The following SOX30 variants were observed in gnomAD, a reference collection of about 807,000 sequenced individuals.
The protein encoded by SOX30 is transcription factor SOX-30.
SOX30 carries 17 observed loss-of-function variants against 58.6 expected under a neutral mutation model. The observed-to-expected ratio is 0.29, with a 90% CI of 0.20 to 0.44. The LOEUF (loss-of-function observed/expected upper bound fraction) is 0.44, where lower values mean the gene tolerates loss of function less well. SOX30 is among the 20% of genes least tolerant of loss of function. The probability of loss-of-function intolerance (pLI) is 1.00; values close to 1 mark genes in which losing one functional copy is unlikely to be tolerated. For missense variants in SOX30, 951 were observed against 965.8 expected (o/e 0.98, Z 0.20); for synonymous variants, 421 against 400.2 (o/e 1.05, Z -0.62).
At chr5:157,663,234 C>T (rs187801011) in intron 2 of SOX30, among the ~76,000 whole-genome samples, 7 of 152,238 alleles carry the variant, frequency 4.6e-5, no homozygotes, top group African/African-American at 9.6e-5. Context: ...TCCAGCAGCA[C>T]GTCAAAAAGC....
At chr5:157,637,281 T>C (rs932252290) in intron 4 of SOX30, among the ~76,000 whole-genome samples, 2 of 152,208 alleles carry the variant, frequency 1.3e-5, no homozygotes, top group African/African-American at 2.4e-5. Context: ...AATTCCTTTA[T>C]TGGTAATTTA....
Position 157,638,836 on chromosome 5 carries a change from C to T in SOX30, c.1388-114G>A, listed in dbSNP as rs566563374. ...CAGAGGCCTTCATCAATCACCTTAC[C>T]TAACTGCATCATCATATCAAACCAC... is the stretch of plus-strand genomic sequence containing the variant. On this transcript the variant is annotated intron_variant, in intron 3 of 4. Transcript: ENST00000265007. 1.0e-5 allele frequency: 10 copies of T among 963,082 alleles called. No homozygotes were observed. In the South Asian group the frequency reaches 1.7e-4, roughly 16 times the overall value. 59.7% of individuals were successfully genotyped at this position (963,082 alleles called of 1,614,324 possible). A position where few individuals can be genotyped will look rare whatever the true frequency, so the allele number is the denominator to read the frequency against.
chr5:157,649,327 A>G (rs1324561812), intron 1 of SOX30, among the ~76,000 whole-genome samples: 1 of 152,204 alleles, frequency 6.6e-6, no homozygotes, highest in Non-Finnish European at 1.5e-5. Context: ...TTCTCTAAAC[A>G]TTCACAGGAA....
chr5:157,655,340 G>A (rs566487419), upstream of SOX30, among the ~76,000 whole-genome samples: 4 of 152,282 alleles, frequency 2.6e-5, no homozygotes, highest in East Asian at 7.7e-4. Context: ...TAAGTGGTGG[G>A]GTACCCAGAT....
intron 1 of SOX30, among the ~76,000 whole-genome samples, chr5:157,668,437 T>A (rs1759708987): frequency 6.6e-6 from 1 of 152,058 alleles, no homozygotes; most frequent in African/African-American, 2.4e-5. Context: ...CTGCTGAAGT[T>A]GCTGCTAAGA....
At chr5:157,652,933 G>A (rs1364007300), upstream of SOX30, among the ~76,000 whole-genome samples, 1 of 152,058 alleles carries the variant, frequency 6.6e-6, no homozygotes, top group Non-Finnish European at 1.5e-5. Flanking sequence ...ACTTTCCATG[G>A]CTCCCCACTG....
chr5:157,637,477 G>A (rs1215218470), intron 4 of SOX30, among the ~76,000 whole-genome samples: 7 of 152,070 alleles, frequency 4.6e-5, no homozygotes, highest in Non-Finnish European at 1.0e-4. Context: ...TGCTAGAAAT[G>A]CCAAATATCA....
chr5:157,646,084 G>A (rs994694895), intron 3 of SOX30, among the ~76,000 whole-genome samples: 3 of 151,608 alleles, frequency 2.0e-5, no homozygotes, highest in African/African-American at 7.3e-5. Context: ...AAGTTATTAA[G>A]ATATTAGGTT....
chr5:157,635,202 C>T (rs1758897351), intron 4 of SOX30, among the ~76,000 whole-genome samples: 1 of 152,216 alleles, frequency 6.6e-6, no homozygotes, highest in South Asian at 2.1e-4. Flanking sequence ...AGTTGACATA[C>T]TGCTCTGACA....
At position 157,652,087 on chromosome 5, in the gene SOX30, G is replaced by A. The variant is rs1431297529; in HGVS notation, c.-9C>T. 41 of 1,398,712 alleles carry A rather than the reference G, an allele frequency of 2.9e-5. 1 individual carries two copies. Among genetic ancestry groups the A allele is most frequent in the East Asian group, 1.4e-4 (5 of 35,594 alleles). 86.6% of individuals were successfully genotyped at this position (1,398,712 alleles called of 1,614,324 possible). On this transcript the variant is annotated 5_prime_UTR_variant, in exon 1 of 5. Transcript: ENST00000265007. The stretch of plus-strand genomic sequence containing the variant: ...GGTCTGGCTCTCTCCATGGGGGAGG[G>A]GGACGCCCCGGCCAGGATTGTGAGC...
chr5:157,667,653 C>G (rs1325512607), intron 2 of SOX30: 1 of 1,101,306 alleles, frequency 9.1e-7, no homozygotes, highest in African/African-American at 1.6e-5. Flanking sequence ...GCAGGAGAAC[C>G]ACTTGAACCC....
At chr5:157,662,688 G>A (rs780317904) in intron 2 of SOX30, among the ~76,000 whole-genome samples, 2 of 152,166 alleles carry the variant, frequency 1.3e-5, no homozygotes, top group Non-Finnish European at 2.9e-5. Flanking sequence ...TTCAGGCCAT[G>A]AAAGGAAGTA....
At chr5:157,667,927 C>T in intron 1 of SOX30, 3 of 1,444,944 alleles carry the variant, frequency 2.1e-6, no homozygotes, top group African/African-American at 1.4e-5. Context: ...TTACCTCATT[C>T]ATTCCCCACA....
intron 3 of SOX30, among the ~76,000 whole-genome samples, chr5:157,646,368 A>T (rs1759193997): frequency 6.6e-6 from 1 of 152,168 alleles, no homozygotes; most frequent in African/African-American, 2.4e-5. Context: ...TATTTCCTGC[A>T]TTATCTGCCT....
At chr5:157,650,606 A>T (rs1240599532) in intron 1 of SOX30, among the ~76,000 whole-genome samples, 3 of 152,188 alleles carry the variant, frequency 2.0e-5, no homozygotes, top group Non-Finnish European at 1.5e-5. Flanking sequence ...ACCCTAAAAT[A>T]TTACATTGAA....
chr5:157,651,818 C>A lies in SOX30; in HGVS notation c.261G>T (p.Gln87His), dbSNP rs753939007. The stretch of plus-strand genomic sequence containing the variant: ...CGGACGAGGCAGCGGCTTCCTCGTT[C>A]TGGGCCTGAGGCTGTGGTAGCAGCA... Reference protein sequence around the residue: ...QVLLLPQPQAQNEEAAASSAQ... With the variant: ...QVLLLPQPQAHNEEAAASSAQ... Residue 87 changes from glutamine to histidine, a missense_variant, in exon 1 of 5, where the codon CAG becomes CAT. Physicochemically the swap from Gln to His is conservative, Grantham distance 24. This residue lies in a region of SOX30 where 363 missense variants were observed against 294.5 expected (regional missense o/e 1.23). Coordinates refer to ENST00000265007, the MANE Select transcript of SOX30 (RefSeq NM_178424.2). The A allele has an allele frequency of 5.0e-6, 8 of 1,586,182 alleles. No individual in the cohort carries two copies. Among genetic ancestry groups the A allele is most frequent in the Non-Finnish European group, 6.8e-6 (8 of 1,170,292 alleles).
In SOX30 at chr5:157,651,647, G is replaced by A. The variant is rs1308962771; in HGVS notation, c.432C>T (p.Pro144=). The A allele has an allele frequency of 1.9e-6, 3 of 1,612,040 alleles. No individual in the cohort carries two copies. Among genetic ancestry groups the A allele is most frequent in the African/African-American group, 2.7e-5 (2 of 74,912 alleles). The part of the protein sequence containing the change: ...HVKAKKQKLG[P]SLDQSVGPRG... ...GAGGCCCCACTGACTGATCCAGGCTGGGCCCCAGCTTCTGCTTCTTGGCCT... is the reference window on the plus strand; with the variant it reads ...GAGGCCCCACTGACTGATCCAGGCTAGGCCCCAGCTTCTGCTTCTTGGCCT... Residue 144 remains proline, a synonymous_variant, in exon 1 of 5, where the codon CCC becomes CCT. Coordinates refer to ENST00000265007, the MANE Select transcript of SOX30 (RefSeq NM_178424.2).
At chr5:157,664,951 G>C (rs1759644348) in intron 2 of SOX30, among the ~76,000 whole-genome samples, 1 of 152,202 alleles carries the variant, frequency 6.6e-6, no homozygotes, top group Non-Finnish European at 1.5e-5. Context: ...GGAAACAACA[G>C]GTGCTGGAGA....
upstream of SOX30, among the ~76,000 whole-genome samples, chr5:157,654,287 G>A (rs148595660): frequency 2.7e-3 from 415 of 152,070 alleles, 1 homozygote; most frequent in Non-Finnish European, 4.4e-3. Flanking sequence ...CATTTAAAAC[G>A]TCAACAATAA....
Sources: allele counts gnomAD v4.1 joint callset (sites outside exome capture counted in the v4.1 genomes callset), GRCh38; gene constraint gnomAD v4.1.1; regional missense constraint gnomAD v4.1.1; transcripts MANE v1.5; gene names NCBI Gene and HGNC (gene_info 2026-07-23, HGNC 2026-07-21).